MAML2: variants seen among roughly 807,000 people sequenced by gnomAD.
MAML2 encodes mastermind like transcriptional coactivator 2, also known as mastermind-like protein 2.
In MAML2, 22 loss-of-function variants were observed where a neutral mutation model predicts 96.1. The observed-to-expected ratio is 0.23, with a 90% CI of 0.16 to 0.33. MAML2 has a LOEUF of 0.33. Ranked by LOEUF, MAML2 falls within the 10% of genes least tolerant of loss-of-function variation. The pLI is 1.00. For missense variants in MAML2, 1,367 were observed against 1,392.4 expected (o/e 0.98, Z 0.29); for synonymous variants, 561 against 521.3 (o/e 1.08, Z -1.04).
intron 1 of MAML2, among the ~76,000 whole-genome samples, chr11:96,206,063 TTGA>T (rs1861891658): frequency 6.6e-6 from 1 of 151,832 alleles, no homozygotes; most frequent in Non-Finnish European, 1.5e-5. Flanking sequence ...AATTTCAGTT[TTGA>T]TTGACTCTTT....
At chr11:96,063,973 T>C (rs1859207704) in intron 2 of MAML2, among the ~76,000 whole-genome samples, 1 of 152,168 alleles carries the variant, frequency 6.6e-6, no homozygotes, top group Non-Finnish European at 1.5e-5. Context: ...TTCATGTCTG[T>C]AAAATAAGCC....
chr11:96,109,992 A>G (rs1222739276), intron 1 of MAML2, among the ~76,000 whole-genome samples: 1 of 152,192 alleles, frequency 6.6e-6, no homozygotes, highest in Non-Finnish European at 1.5e-5. Flanking sequence ...CTAGGAGGAA[A>G]GGAATAAAGT....
At chr11:95,997,149 T>G (rs1858004248) in intron 2 of MAML2, among the ~76,000 whole-genome samples, 1 of 152,170 alleles carries the variant, frequency 6.6e-6, no homozygotes, top group South Asian at 2.1e-4. Context: ...TTACATGTTC[T>G]TTTTCTGTTT....
chr11:96,149,038 C>T (rs535554118), intron 1 of MAML2, among the ~76,000 whole-genome samples: 2 of 152,170 alleles, frequency 1.3e-5, no homozygotes, highest in African/African-American at 4.8e-5. Flanking sequence ...GTTCCAGTAG[C>T]CCTCTGTGAC....
chr11:96,254,579 A>AAAAAC (rs1001391011), intron 1 of MAML2, among the ~76,000 whole-genome samples: 21 of 152,040 alleles, frequency 1.4e-4, no homozygotes, highest in Admixed American at 2.6e-4. Context: ...GCCCCATTCT[A>AAAAAC]AAAACAAAAC....
intron 4 of MAML2, among the ~76,000 whole-genome samples, chr11:95,984,961 G>A (rs977908261): frequency 6.6e-6 from 1 of 152,130 alleles, no homozygotes; most frequent in African/African-American, 2.4e-5. Flanking sequence ...AGAATTTGGG[G>A]GACTTTTGTA....
At chr11:96,180,753 T>C (rs1456245324) in intron 1 of MAML2, among the ~76,000 whole-genome samples, 6 of 152,162 alleles carry the variant, frequency 3.9e-5, no homozygotes, top group African/African-American at 1.4e-4. Flanking sequence ...TGTGTGTCCG[T>C]GTGAAGAGAC....
intron 1 of MAML2, among the ~76,000 whole-genome samples, chr11:96,255,970 T>C (rs544549036): frequency 7.8e-4 from 113 of 144,904 alleles, no homozygotes; most frequent in Non-Finnish European, 1.2e-3. Context: ...GCCTCCCGGG[T>C]TCAAGCGATT....
At chr11:96,230,200 ATAGTC>A (rs1565256171) in intron 1 of MAML2, among the ~76,000 whole-genome samples, 1 of 152,212 alleles carries the variant, frequency 6.6e-6, no homozygotes, top group Non-Finnish European at 1.5e-5. Context: ...CTAGTCTAGA[ATAGTC>A]TAGGATAGAA....
chr11:96,238,900 A>G (rs1479425782), intron 1 of MAML2, among the ~76,000 whole-genome samples: 1 of 152,256 alleles, frequency 6.6e-6, no homozygotes, highest in Non-Finnish European at 1.5e-5. Context: ...AGGAGTAAGT[A>G]GCCACTTTGG....
At chr11:96,130,460 C>T (rs1201573287) in intron 1 of MAML2, among the ~76,000 whole-genome samples, 2 of 152,110 alleles carry the variant, frequency 1.3e-5, no homozygotes, top group African/African-American at 4.8e-5. Context: ...TTCCAAAATG[C>T]TCTAAGCTTG....
At position 96,098,827 on chromosome 11, in the gene MAML2, G is replaced by A. The variant is rs571718606; in HGVS notation, c.514-5310C>T. The stretch of plus-strand genomic sequence containing the variant: ...AATCCTGCACAGCAGAACTGGGGCT[G>A]GGGTCCTCAGTAAACTGCTTCTTTT... On this transcript the variant is annotated intron_variant, in intron 1 of 4. Coordinates refer to ENST00000524717, the MANE Select transcript of MAML2 (RefSeq NM_032427.4). Among the ~76,000 whole-genome samples the A allele has an allele frequency of 2.0e-5, 3 of 152,306 alleles. No individual in the cohort carries two copies. In the East Asian group the frequency reaches 5.8e-4, roughly 29 times the overall value.
intron 2 of MAML2, among the ~76,000 whole-genome samples, chr11:96,024,274 A>G (rs1858481478): frequency 6.6e-6 from 1 of 152,270 alleles, no homozygotes; most frequent in African/African-American, 2.4e-5. Flanking sequence ...TACAGCCCCA[A>G]CTTCATAACT....
At chr11:96,055,077 A>G (rs553756603) in intron 2 of MAML2, among the ~76,000 whole-genome samples, 9 of 152,132 alleles carry the variant, frequency 5.9e-5, no homozygotes, top group Non-Finnish European at 1.2e-4. Context: ...CCTAACTTCC[A>G]TTTACATTTC....
At chr11:96,005,035 A>G (rs1316260809) in intron 2 of MAML2, among the ~76,000 whole-genome samples, 1 of 152,202 alleles carries the variant, frequency 6.6e-6, no homozygotes, top group Non-Finnish European at 1.5e-5. Flanking sequence ...ACCATGGAAG[A>G]ATGCCATGAT....
At chr11:96,105,874 G>GA (rs34049583) in intron 1 of MAML2, among the ~76,000 whole-genome samples, 77,319 of 147,586 alleles carry the variant, frequency 0.52, 20,901 homozygotes, top group Middle Eastern at 0.74. Context: ...GGTTATAATG[G>GA]AAAAAAAAAA....
chr11:96,337,888 T>A (rs923894076), intron 1 of MAML2, among the ~76,000 whole-genome samples: 1 of 152,330 alleles, frequency 6.6e-6, no homozygotes, highest in Admixed American at 6.5e-5. Context: ...TGGGGCAGCA[T>A]GATTGTCCTC....
rs552493935 is a variant in MAML2 at position 96,035,259 on chromosome 11, G to A, written c.2140-43536C>T. 7.2e-5 allele frequency among the ~76,000 whole-genome samples: 11 copies of A among 152,294 alleles called. No homozygotes were observed. In the South Asian group the frequency reaches 2.1e-3, roughly 29 times the overall value. On this transcript the variant is annotated intron_variant, in intron 2 of 4. Transcript: ENST00000524717. ...GGCAGGAATGTGGAAAAGAAACCAC[G>A]CTAGACTGGAAGAAAGCTATGCGAA... is the stretch of plus-strand genomic sequence containing the variant.
intron 1 of MAML2, among the ~76,000 whole-genome samples, chr11:96,175,112 G>T (rs949933521): frequency 6.6e-6 from 1 of 152,182 alleles, no homozygotes; most frequent in African/African-American, 2.4e-5. Flanking sequence ...CTTAATCTAA[G>T]CCTTCTAATA....
Sources: allele counts gnomAD v4.1 joint callset (sites outside exome capture counted in the v4.1 genomes callset), GRCh38; gene constraint gnomAD v4.1.1; transcripts MANE v1.5; gene names NCBI Gene and HGNC (gene_info 2026-07-23, HGNC 2026-07-21).